CNBD1: variants seen among roughly 807,000 people sequenced by gnomAD.
The protein encoded by CNBD1 is cyclic nucleotide binding domain containing 1.
In CNBD1, 71 loss-of-function variants were observed where a neutral mutation model predicts 54.4. The ratio of observed to expected loss-of-function variants is 1.30; its 90% CI spans 1.08 to 1.59. CNBD1 has a LOEUF of 1.59. Among genes scored for constraint, CNBD1 ranks in the 40% most tolerant of loss-of-function variants. CNBD1 has a pLI of 0.00. For missense variants in CNBD1, 659 were observed against 518.0 expected (o/e 1.27, Z -2.64); for synonymous variants, 182 against 170.7 (o/e 1.07, Z -0.51).
intron 4 of CNBD1, among the ~76,000 whole-genome samples, chr8:86,974,168 A>G (rs1395316621): frequency 6.6e-6 from 1 of 152,162 alleles, no homozygotes; most frequent in Non-Finnish European, 1.5e-5. Flanking sequence ...CAGCTTCATA[A>G]GTAGTCAAGG....
intron 1 of CNBD1, 146 bp from the exon 2 acceptor site, chr8:86,887,396 T>C (rs946813982): frequency 8.9e-6 from 5 of 558,902 alleles, no homozygotes; most frequent in African/African-American, 7.7e-5. Context: ...GTTCTACTTG[T>C]GTATTAAACA....
chr8:87,255,198 G>A (rs1360396623), intron 6 of CNBD1, among the ~76,000 whole-genome samples: 2 of 152,016 alleles, frequency 1.3e-5, no homozygotes, highest in African/African-American at 2.4e-5. Context: ...AAAAAAAGTC[G>A]ACAGAGACAA....
intron 8 of CNBD1, among the ~76,000 whole-genome samples, chr8:87,306,190 A>T (rs1809139851): frequency 6.6e-6 from 1 of 152,226 alleles, no homozygotes; most frequent in African/African-American, 2.4e-5. Context: ...ATGCAAATCA[A>T]AACTTCAATG....
intron 4 of CNBD1, among the ~76,000 whole-genome samples, chr8:86,957,309 G>C (rs1025244043): frequency 1.3e-5 from 2 of 152,142 alleles, no homozygotes; most frequent in African/African-American, 4.8e-5. Flanking sequence ...TTGTGTCTCT[G>C]CCAGGCTTTG....
At chr8:87,266,980 G>A (rs572851255) in intron 6 of CNBD1, among the ~76,000 whole-genome samples, 3 of 151,946 alleles carry the variant, frequency 2.0e-5, no homozygotes, top group African/African-American at 7.3e-5. Context: ...AACACCTTAA[G>A]TAACAGACTT....
At chr8:86,913,927 G>T (rs754245488) in intron 3 of CNBD1, among the ~76,000 whole-genome samples, 2 of 152,084 alleles carry the variant, frequency 1.3e-5, no homozygotes, top group Non-Finnish European at 2.9e-5. Context: ...TTTTCCCAGG[G>T]TTGTTAATTA....
At chr8:86,991,745 G>T (rs186082737) in intron 4 of CNBD1, among the ~76,000 whole-genome samples, 68 of 152,118 alleles carry the variant, frequency 4.5e-4, no homozygotes, top group Middle Eastern at 3.4e-3. Flanking sequence ...TGAATTTTTT[G>T]ATTTCTGCCT....
intron 1 of CNBD1, among the ~76,000 whole-genome samples, chr8:86,872,701 TG>T (rs1808458958): frequency 6.6e-6 from 1 of 152,202 alleles, no homozygotes; most frequent in Admixed American, 6.5e-5. Flanking sequence ...TTTTTTTTGT[TG>T]GCCATTCATG....
Position 87,392,398 on chromosome 8 carries a change from A to T in CNBD1, c.214-36148A>T, listed in dbSNP as rs149958539. Among the ~76,000 whole-genome samples the T allele has an allele frequency of 5.5e-4, 83 of 152,168 alleles. 1 individual carries two copies. Among genetic ancestry groups the T allele is most frequent in the African/African-American group, 1.7e-3 (70 of 41,550 alleles). The stretch of plus-strand genomic sequence containing the variant: ...ATTATTCATAATAGCCAAAAATCAG[A>T]AACAACTAAAAAGTTCATTAACCGA... On this transcript the variant is annotated intron_variant, in intron 2 of 7. Coordinates refer to the CNBD1 transcript ENST00000521593.
chr8:87,389,925 G>A (rs914238203), intron 2 of CNBD1, among the ~76,000 whole-genome samples: 3 of 152,090 alleles, frequency 2.0e-5, no homozygotes, highest in South Asian at 2.1e-4. Flanking sequence ...ACAGAACAGA[G>A]CCCTCAGAAA....
intron 10 of CNBD1, among the ~76,000 whole-genome samples, chr8:87,366,691 G>T (rs1313617757): frequency 1.3e-5 from 2 of 152,024 alleles, no homozygotes; most frequent in Admixed American, 1.3e-4. Context: ...CCATAGTGCT[G>T]GAGGTCAGCA....
At chr8:87,113,658 G>A (rs892923620) in intron 4 of CNBD1, among the ~76,000 whole-genome samples, 3 of 152,124 alleles carry the variant, frequency 2.0e-5, no homozygotes, top group Non-Finnish European at 4.4e-5. Context: ...GGTGACTCAC[G>A]CCTGTAATCC....
chr8:87,344,095 A>G (rs909364445), intron 8 of CNBD1, among the ~76,000 whole-genome samples: 6 of 152,128 alleles, frequency 3.9e-5, no homozygotes, highest in Admixed American at 2.6e-4. Flanking sequence ...GGAAAAGGCC[A>G]GTAATTTTTA....
chr8:87,146,408 A>G (rs1359410586), intron 4 of CNBD1, among the ~76,000 whole-genome samples: 1 of 152,160 alleles, frequency 6.6e-6, no homozygotes, highest in Non-Finnish European at 1.5e-5. Flanking sequence ...ACACCAATGA[A>G]ATGGATATTT....
At chr8:87,184,743 C>T (rs1257183821) in intron 4 of CNBD1, among the ~76,000 whole-genome samples, 2 of 152,076 alleles carry the variant, frequency 1.3e-5, no homozygotes, top group African/African-American at 4.8e-5. Context: ...CTCCCTATAT[C>T]CACTCCCAAC....
chr8:86,971,291 C>A (rs532777313), intron 4 of CNBD1, among the ~76,000 whole-genome samples: 1 of 152,082 alleles, frequency 6.6e-6, no homozygotes, highest in African/African-American at 2.4e-5. Flanking sequence ...CATTTTTATA[C>A]CATCAGATCT....
intron 4 of CNBD1, among the ~76,000 whole-genome samples, chr8:86,944,450 G>A (rs1167733062): frequency 6.6e-6 from 1 of 152,148 alleles, no homozygotes; most frequent in Non-Finnish European, 1.5e-5. Context: ...GATAGAGAAT[G>A]ATGGAAATGA....
chr8:87,398,232 T>TGG (rs1554586896), intron 2 of CNBD1, among the ~76,000 whole-genome samples: 1 of 151,370 alleles, frequency 6.6e-6, no homozygotes, highest in Non-Finnish European at 1.5e-5. Context: ...ATCTATTTTC[T>TGG]GGAGATATCT....
At chr8:87,018,462 A>C (rs1426568838) in intron 4 of CNBD1, among the ~76,000 whole-genome samples, 1 of 152,192 alleles carries the variant, frequency 6.6e-6, no homozygotes, top group African/African-American at 2.4e-5. Flanking sequence ...ACTTTTTTTA[A>C]GTACAAATTA....
Sources: gnomAD v4.1 joint callset for allele counts (sites outside exome capture counted in the v4.1 genomes callset) on GRCh38, gnomAD v4.1.1 for gene constraint, MANE v1.5 for transcripts, NCBI Gene and HGNC (gene_info 2026-07-23, HGNC 2026-07-21) for gene names.